The following INTS13 variants were observed in gnomAD, a reference collection of about 807,000 sequenced individuals.
INTS13 encodes the protein integrator complex subunit 13.
In INTS13, 35 loss-of-function variants were observed where a neutral mutation model predicts 90.2. The observed-to-expected ratio is 0.39, with a 90% CI of 0.30 to 0.51. The LOEUF is 0.51. Among genes scored for constraint, INTS13 ranks in the 20% least tolerant of loss-of-function variants. The pLI is 0.80. For synonymous variants in INTS13, 309 were observed against 277.1 expected, an observed-to-expected ratio of 1.11 and a Z score of -1.14; for missense variants, 601 against 851.2, an observed-to-expected ratio of 0.71 and a Z score of 3.66.
chr12:26,906,219 C>A, intron 16 of INTS13, 83 bp downstream of exon 16: 1 of 1,325,306 alleles, frequency 7.5e-7, no homozygotes, highest in South Asian at 1.6e-5. Flanking sequence ...TAAAAAACTG[C>A]TGATTATTAC....
intron 15 of INTS13, among the ~76,000 whole-genome samples, chr12:26,909,163 C>T (rs1951699642): frequency 6.6e-6 from 1 of 152,142 alleles, no homozygotes; most frequent in African/African-American, 2.4e-5. Context: ...GAGTTCGAGA[C>T]CAGCCTGACC....
intron 11 of INTS13, 104 bp downstream of exon 11, chr12:26,915,898 G>T: frequency 1.3e-6 from 1 of 751,644 alleles, no homozygotes; most frequent in Non-Finnish European, 2.0e-6. Context: ...ACTTCTTCCA[G>T]TCTCTTTTTT....
chr12:26,936,749 A>G lies in INTS13; in HGVS notation c.55T>C (p.Tyr19His), dbSNP rs1274845343. ...TGCTGCCTGCAAGATTCTGCCATAT[A>G]AGGGCAGTGATCCACAACAAACACT... ...KTVFVVDHCP[Y>H]MAESCRQHVE... is the part of the protein sequence containing the mutation. The change falls in exon 2 of 17, where the codon TAT becomes CAT. Residue 19 changes from tyrosine to histidine, a missense_variant. Tyr to His is a moderately conservative substitution (Grantham distance 83, BLOSUM62 2). Transcript: ENST00000261191. 6.2e-7 allele frequency: 1 copy of G among 1,614,128 alleles called. No homozygotes were observed. The highest frequency in any genetic ancestry group is 2.2e-5 in the East Asian group (1 of 44,864).
At chr12:26,933,000 G>A (rs987171874) in intron 3 of INTS13, among the ~76,000 whole-genome samples, 1 of 152,142 alleles carries the variant, frequency 6.6e-6, no homozygotes, top group East Asian at 1.9e-4. Context: ...GAACACAGAA[G>A]GCACAAAAGA....
In INTS13 at chr12:26,930,091, TAGAA is replaced by T. The variant is rs370137518; in HGVS notation, c.301-1190_301-1187del. Among the ~76,000 whole-genome samples, 404 of 152,248 alleles carry T rather than the reference TAGAA, an allele frequency of 2.7e-3. 2 individuals are homozygous for T. Among genetic ancestry groups the T allele is most frequent in the African/African-American group, 9.5e-3 (395 of 41,558 alleles). ...AAAACAGCATCAAAAATAAAATACT[TAGAA>T]ATAAATTTAACAAGAACTATAAAAC... On this transcript the variant is annotated intron_variant, in intron 3 of 16. Coordinates refer to ENST00000261191, the MANE Select transcript of INTS13 (RefSeq NM_018164.3).
At position 26,932,863 on chromosome 12, in the gene INTS13, G is replaced by A. The variant is rs1248585477; in HGVS notation, c.300+1693C>T. On this transcript the variant is annotated intron_variant, in intron 3 of 16. Coordinates refer to ENST00000261191, the MANE Select transcript of INTS13 (RefSeq NM_018164.3). ...AAAACTACAATGAAGTATATAGTCA[G>A]CAATACCTACTCCATAACATGTAGA... Among the ~76,000 whole-genome samples the A allele has an allele frequency of 2.0e-5, 3 of 152,194 alleles. No homozygotes were observed. In the East Asian group the frequency reaches 5.8e-4, roughly 29 times the overall value.
chr12:26,914,951 G>A (rs995384365), intron 11 of INTS13, among the ~76,000 whole-genome samples: 7 of 152,112 alleles, frequency 4.6e-5, no homozygotes, highest in African/African-American at 1.7e-4. Context: ...TTGAGGTTGG[G>A]CACGGTGGCT....
At chr12:26,917,777 C>A in intron 8 of INTS13, 44 bp from the exon 9 acceptor site, 11 of 998,466 alleles carry the variant, frequency 1.1e-5, no homozygotes, top group African/African-American at 3.3e-5. Context: ...ATACATGTAT[C>A]AAAACATCAC....
intron 1 of INTS13, 61 bp downstream of exon 1, chr12:26,937,735 T>C (rs905995737): frequency 3.3e-5 from 5 of 152,120 alleles, no homozygotes; most frequent in African/African-American, 1.2e-4. Context: ...TGCTGGAGGG[T>C]GGGGGGTGGA....
intron 3 of INTS13, among the ~76,000 whole-genome samples, chr12:26,932,080 T>A (rs1411500767): frequency 9.1e-6 from 1 of 109,414 alleles, no homozygotes; most frequent in Non-Finnish European, 1.7e-5. Context: ...AGAGTGAAAC[T>A]CAGTCTCAAA....
At chr12:26,938,328 C>G (rs1938599814), upstream of INTS13, 2 of 152,258 alleles carry the variant, frequency 1.3e-5, no homozygotes, top group Non-Finnish European at 2.9e-5. Flanking sequence ...ACTCGCGAGA[C>G]TTTGCGAGAG....
At chr12:26,908,537 GTT>G (rs566427446) in intron 15 of INTS13, among the ~76,000 whole-genome samples, 1 of 143,626 alleles carries the variant, frequency 7.0e-6, no homozygotes, top group Non-Finnish European at 1.5e-5. Flanking sequence ...GGTTATTTTG[GTT>G]TTTTTTTTTT....
In INTS13 at chr12:26,929,247, G is replaced by A. The variant is rs183486138; in HGVS notation, c.301-342C>T. On this transcript the variant is annotated intron_variant, in intron 3 of 16. Coordinates refer to ENST00000261191, the MANE Select transcript of INTS13 (RefSeq NM_018164.3). ...ATAATTAAAAAAATTAGCAACAGAA[G>A]GGAATTTCCTCAAGAAGATAAAGGA... Among the ~76,000 whole-genome samples, 633 of 152,104 alleles carry A rather than the reference G, an allele frequency of 4.2e-3. 1 individual carries two copies. The highest frequency in any genetic ancestry group is 0.017 in the Middle Eastern group (5 of 294).
At position 26,914,475 on chromosome 12, in the gene INTS13, T is replaced by C. The variant is rs1451069976; in HGVS notation, c.1352A>G (p.Gln451Arg). 1 of 1,614,000 alleles carries C rather than the reference T, an allele frequency of 6.2e-7. No individual in the cohort carries two copies. The stretch of plus-strand genomic sequence containing the variant: ...CCAGTAACGGGTATGTTTTTCTAAC[T>C]GATCTTTTGCTCGTTCCAAAGGGAC... ...LEVPLERAKD[Q>R]LEKHTRYWPM... is the part of the protein sequence containing the mutation. Residue 451 changes from glutamine to arginine, a missense_variant, in exon 12 of 17, where the codon CAG becomes CGG. Transcript: ENST00000261191.
intron 2 of INTS13, 149 bp from the exon 3 acceptor site, chr12:26,934,779 T>C (rs1327253137): frequency 1.0e-5 from 7 of 674,468 alleles, no homozygotes; most frequent in Admixed American, 8.0e-5. Context: ...ATATGCCAGG[T>C]GCTATTGCTG....
Position 26,936,724 on chromosome 12 carries a change from T to A in INTS13, c.80A>T (p.His27Leu). 6.2e-7 allele frequency: 1 copy of A among 1,614,156 alleles called. No individual in the cohort carries two copies. Residue 27 changes from histidine to leucine, a missense_variant, in exon 2 of 17, where the codon CAT becomes CTT. His to Leu is a moderately conservative substitution (Grantham distance 99). Around this residue, in one of 3 missense-constraint regions of INTS13, gnomAD observed 284 missense variants for 387.7 expected, o/e 0.73. Coordinates refer to ENST00000261191, the MANE Select transcript of INTS13 (RefSeq NM_018164.3). ...CPYMAESCRQ[H>L]VEFDMLVKNR... ...CTTCACCAGCATATCAAACTCGACA[T>A]GCTGCCTGCAAGATTCTGCCATATA... is the stretch of plus-strand genomic sequence containing the variant.
intron 1 of INTS13, among the ~76,000 whole-genome samples, chr12:26,937,163 T>C (rs1487836284): frequency 6.6e-6 from 1 of 152,228 alleles, no homozygotes; most frequent in African/African-American, 2.4e-5. Flanking sequence ...ACAAAGACTC[T>C]TGAAATACAA....
rs551010938 is a variant in INTS13 at position 26,924,163 on chromosome 12, A to T, written c.804+192T>A. ...ATGTCCAACAATTATTTATTTATTT[A>T]TTTTTTTAATATTGAGATGGGATCG... is the stretch of plus-strand genomic sequence containing the variant. On this transcript the variant is annotated intron_variant, in intron 7 of 16. Transcript: ENST00000261191. 6.9e-4 allele frequency among the ~76,000 whole-genome samples: 105 copies of T among 152,184 alleles called. 3 individuals are homozygous for T. The South Asian group carries it at 0.018, about 26-fold the overall frequency.
intron 14 of INTS13, among the ~76,000 whole-genome samples, chr12:26,911,916 A>C (rs1036600721): frequency 6.6e-6 from 1 of 152,216 alleles, no homozygotes; most frequent in Non-Finnish European, 1.5e-5. Context: ...TAAGGAAAAC[A>C]TGAGCTTCTA....
Sources: gnomAD v4.1 joint callset for allele counts (sites outside exome capture counted in the v4.1 genomes callset) on GRCh38, gnomAD v4.1.1 for gene constraint, gnomAD v4.1.1 regional missense constraint, MANE v1.5 for transcripts, NCBI Gene and HGNC (gene_info 2026-07-23, HGNC 2026-07-21) for gene names.